Variants in LCORL observed in about 807,000 individuals in gnomAD.
LCORL encodes ligand dependent nuclear receptor corepressor like.
LCORL carries 41 observed loss-of-function variants against 141.8 expected under a neutral mutation model. The ratio of observed to expected loss-of-function variants is 0.29; its 90% CI spans 0.23 to 0.38. LCORL has a LOEUF of 0.38. Among genes scored for constraint, LCORL ranks in the 10% least tolerant of loss-of-function variants. The probability of loss-of-function intolerance (pLI) is 1.00; values close to 1 mark genes in which losing one functional copy is unlikely to be tolerated. For synonymous variants in LCORL, 618 were observed against 694.1 expected (o/e 0.89, Z 1.72); for missense variants, 1,759 against 2,035.0 (o/e 0.86, Z 2.61).
Position 17,884,749 on chromosome 4 carries a change from T to C in LCORL, c.776+1319A>G, listed in dbSNP as rs1464338154. ...CATAGTCCTCTCTGTTTCTGTGTAG[T>C]CTCCTGGATGGATGGAATGAAACGA... On this transcript the variant is annotated intron_variant, in intron 6 of 7. Transcript: ENST00000635767. The surrounding 1 kb of genome is among the most constrained non-coding windows in gnomAD (Gnocchi z 4.4). The C allele has an allele frequency of 1.9e-5, 27 of 1,441,894 alleles. No individual in the cohort carries two copies. The highest frequency in any genetic ancestry group is 2.5e-5 in the Non-Finnish European group (27 of 1,091,524). 89.3% of individuals were successfully genotyped at this position (1,441,894 alleles called of 1,614,324 possible). A position where few individuals can be genotyped will look rare whatever the true frequency, so the allele number is the denominator to read the frequency against.
At chr4:17,853,999 A>T (rs1326036107) in intron 7 of LCORL, among the ~76,000 whole-genome samples, 1 of 152,212 alleles carries the variant, frequency 6.6e-6, no homozygotes, top group South Asian at 2.1e-4. Flanking sequence ...CATGCAATAA[A>T]TATAAAGGAG....
intron 1 of LCORL, among the ~76,000 whole-genome samples, chr4:18,014,173 T>C (rs151038076): frequency 6.6e-6 from 1 of 152,116 alleles, no homozygotes; most frequent in East Asian, 1.9e-4. Flanking sequence ...CTCAAGAATT[T>C]GGGGCAATGT....
chr4:17,842,497 A>T, exon 8 of LCORL: 2 of 784,672 alleles, frequency 2.5e-6, no homozygotes, highest in South Asian at 1.6e-5. Flanking sequence ...AGTGAAAACT[A>T]TAAATAGCTG....
At chr4:17,964,648 C>G (rs927231982) in intron 2 of LCORL, among the ~76,000 whole-genome samples, 1 of 152,088 alleles carries the variant, frequency 6.6e-6, no homozygotes, top group Non-Finnish European at 1.5e-5. Context: ...ACTTTCACCC[C>G]CTCACTAGGA....
intron 4 of LCORL, among the ~76,000 whole-genome samples, chr4:17,935,517 A>G (rs1377012259): frequency 1.3e-5 from 2 of 152,128 alleles, no homozygotes; most frequent in East Asian, 1.9e-4. Context: ...ATCCTCAGTA[A>G]TAAGTGAATT....
intron 1 of LCORL, among the ~76,000 whole-genome samples, chr4:17,993,385 T>C (rs1413150063): frequency 2.6e-5 from 4 of 152,020 alleles, no homozygotes. Flanking sequence ...TTTGTATTTT[T>C]AGTAGAAGCG....
chr4:17,961,665 G>A (rs1713812269), intron 4 of LCORL, among the ~76,000 whole-genome samples: 1 of 151,954 alleles, frequency 6.6e-6, no homozygotes, highest in Non-Finnish European at 1.5e-5. Context: ...AGGAAAATGT[G>A]TGATAAAGTC....
In LCORL at chr4:18,021,830, C is replaced by T. The variant is rs1199977801; in HGVS notation, c.-79G>A. On this transcript the variant is annotated 5_prime_UTR_variant, in exon 1 of 8. Transcript: ENST00000635767. The surrounding 1 kb of genome is among the most constrained non-coding windows in gnomAD (Gnocchi z 5.5). ...CAGGGGCGCGAGCCCTCGGCGCGAG[C>T]CCCGGAGCGCGCGCCCCCCGGAGGG... 13 of 1,368,804 alleles carry T rather than the reference C, an allele frequency of 9.5e-6. No homozygotes were observed. Among genetic ancestry groups the T allele is most frequent in the African/African-American group, 3.1e-5 (2 of 65,076 alleles). 84.8% of individuals were successfully genotyped at this position (1,368,804 alleles called of 1,614,324 possible).
intron 4 of LCORL, among the ~76,000 whole-genome samples, chr4:17,925,586 T>C (rs756930109): frequency 6.6e-6 from 1 of 152,152 alleles, no homozygotes. Flanking sequence ...TAAGAACATG[T>C]TGTGGCTGGG....
At chr4:17,956,762 T>A (rs1489914333) in intron 4 of LCORL, among the ~76,000 whole-genome samples, 1 of 152,058 alleles carries the variant, frequency 6.6e-6, no homozygotes, top group Non-Finnish European at 1.5e-5. Context: ...AACAATATAT[T>A]GTATTTTTCA....
At chr4:17,989,063 C>T (rs569285424) in intron 1 of LCORL, among the ~76,000 whole-genome samples, 31 of 152,198 alleles carry the variant, frequency 2.0e-4, no homozygotes, top group Non-Finnish European at 3.8e-4. Flanking sequence ...ATATCCAAAA[C>T]ACTTGCTAAA....
At chr4:17,999,979 C>A (rs1424197227) in intron 1 of LCORL, among the ~76,000 whole-genome samples, 1 of 152,090 alleles carries the variant, frequency 6.6e-6, no homozygotes, top group African/African-American at 2.4e-5. Context: ...AATGAGTGTA[C>A]AAAAGGGATA....
At chr4:17,994,583 C>T (rs1182078365) in intron 1 of LCORL, among the ~76,000 whole-genome samples, 1 of 152,148 alleles carries the variant, frequency 6.6e-6, no homozygotes, top group African/African-American at 2.4e-5. Context: ...TTACATAACA[C>T]CCTGTATTAT....
At chr4:17,956,506 G>C (rs1446728394) in intron 4 of LCORL, among the ~76,000 whole-genome samples, 4 of 152,088 alleles carry the variant, frequency 2.6e-5, no homozygotes, top group Non-Finnish European at 5.9e-5. Context: ...CAGCAAAATG[G>C]ATGGAACTGG....
chr4:17,878,066 A>C (rs962738149), exon 7 of LCORL: 4 of 1,230,654 alleles, frequency 3.3e-6, no homozygotes, highest in Non-Finnish European at 3.0e-6. Context: ...AGCAAAGAGA[A>C]GCAGCATTCT....
chr4:18,001,296 AG>A (rs1721923034), intron 1 of LCORL, among the ~76,000 whole-genome samples: 1 of 98,964 alleles, frequency 1.0e-5, no homozygotes, highest in African/African-American at 5.6e-5. Context: ...AAGTATTAAT[AG>A]ATAGTCAATA....
exon 8 of LCORL, chr4:17,842,206 G>C: frequency 2.1e-6 from 2 of 933,442 alleles, no homozygotes; most frequent in Non-Finnish European, 3.4e-6. Context: ...TGTGTTGAAA[G>C]GATTGTTGTG....
At chr4:17,975,709 T>A (rs1272910818) in intron 1 of LCORL, among the ~76,000 whole-genome samples, 1 of 152,186 alleles carries the variant, frequency 6.6e-6, no homozygotes. Flanking sequence ...TATTGAAATG[T>A]ACAAGATTCT....
At chr4:17,859,350 C>A (rs1229941984) in intron 7 of LCORL, among the ~76,000 whole-genome samples, 1 of 152,122 alleles carries the variant, frequency 6.6e-6, no homozygotes, top group Non-Finnish European at 1.5e-5. Flanking sequence ...GCAGCCCCAT[C>A]ATAAGTTGAG....
Sources: gnomAD v4.1 joint callset for allele counts (sites outside exome capture counted in the v4.1 genomes callset) on GRCh38, gnomAD v4.1.1 for gene constraint, Gnocchi (gnomAD v3.1) non-coding constraint, MANE v1.5 for transcripts, NCBI Gene and HGNC (gene_info 2026-07-23, HGNC 2026-07-21) for gene names.